FARS2: variants seen among roughly 807,000 people sequenced by gnomAD.
FARS2 encodes phenylalanyl-tRNA synthetase 2, mitochondrial.
In FARS2, 40 loss-of-function variants were observed where a neutral mutation model predicts 46.4. That is an observed-to-expected ratio of 0.86 (90% CI 0.67 to 1.12). FARS2 has a LOEUF of 1.12. Among genes scored for constraint, FARS2 ranks in the 50% most tolerant of loss-of-function variants. The pLI is 0.00. For missense variants in FARS2, 513 were observed against 567.9 expected (o/e 0.90, Z 0.98); for synonymous variants, 234 against 214.9 (o/e 1.09, Z -0.78).
chr6:5,329,214 A>G (rs1770617572), intron 1 of FARS2, among the ~76,000 whole-genome samples: 1 of 152,118 alleles, frequency 6.6e-6, no homozygotes, highest in Admixed American at 6.5e-5. Context: ...GAGGTAAGCC[A>G]TGTAATAAAA....
intron 4 of FARS2, among the ~76,000 whole-genome samples, chr6:5,488,556 G>C (rs745828692): frequency 6.6e-6 from 1 of 152,086 alleles, no homozygotes; most frequent in Non-Finnish European, 1.5e-5. Flanking sequence ...TAATTTTACA[G>C]TACAGTGCTG....
intron 6 of FARS2, among the ~76,000 whole-genome samples, chr6:5,637,844 A>G (rs1318733083): frequency 6.6e-6 from 1 of 152,120 alleles, no homozygotes; most frequent in Non-Finnish European, 1.5e-5. Flanking sequence ...TCTTATCAGG[A>G]CACAAATCAG....
intron 3 of FARS2, among the ~76,000 whole-genome samples, chr6:5,426,479 A>G (rs1173516903): frequency 6.6e-6 from 1 of 152,194 alleles, no homozygotes; most frequent in Non-Finnish European, 1.5e-5. Flanking sequence ...TTTCAACTAG[A>G]TATAATAATA....
intron 1 of FARS2, among the ~76,000 whole-genome samples, chr6:5,286,100 A>G (rs547876012): frequency 4.6e-5 from 7 of 152,278 alleles, no homozygotes; most frequent in Admixed American, 1.3e-4. Flanking sequence ...CTTGATTTCC[A>G]GACACTTTAA....
At position 5,620,203 on chromosome 6, in the gene FARS2, C is replaced by T. The variant is rs62385467; in HGVS notation, c.1217+6883C>T. 5.2e-4 allele frequency among the ~76,000 whole-genome samples: 79 copies of T among 152,130 alleles called. No individual in the cohort carries two copies. In the East Asian group the frequency reaches 0.013, roughly 25 times the overall value. On this transcript the variant is annotated intron_variant, in intron 6 of 6. Transcript: ENST00000274680. The stretch of plus-strand genomic sequence containing the variant: ...AGTAACAACCTTCCTACCGTGCACG[C>T]GCACAGACACACACATACACGCACA...
chr6:5,429,253 A>G (rs537310049), intron 3 of FARS2, among the ~76,000 whole-genome samples: 5 of 152,150 alleles, frequency 3.3e-5, no homozygotes, highest in African/African-American at 7.2e-5. Context: ...ATGTTTGTCT[A>G]TTTAACACAG....
chr6:5,258,335 C>T (rs1446019406), upstream of FARS2, among the ~76,000 whole-genome samples: 2 of 152,248 alleles, frequency 1.3e-5, no homozygotes, highest in Non-Finnish European at 2.9e-5. Flanking sequence ...ATTGCTTATT[C>T]AGCACTACCT....
chr6:5,317,478 A>G (rs919923218), intron 1 of FARS2, among the ~76,000 whole-genome samples: 1 of 152,154 alleles, frequency 6.6e-6, no homozygotes, highest in Non-Finnish European at 1.5e-5. Context: ...TTTCCTGTAA[A>G]CATAAATTAA....
At position 5,439,714 on chromosome 6, in the gene FARS2, C is replaced by T. The variant is rs540117183; in HGVS notation, c.904+8542C>T. On this transcript the variant is annotated intron_variant, in intron 4 of 6. Transcript: ENST00000274680. ...TACTGGAAACGTGGTGGTATTGGCT[C>T]CACTTGTCTATTTACTCTGTCAACT... Among the ~76,000 whole-genome samples, 44 of 152,280 alleles carry T rather than the reference C, an allele frequency of 2.9e-4. 1 individual carries two copies. Among genetic ancestry groups the T allele is most frequent in the Admixed American group, 1.7e-3 (26 of 15,286 alleles).
chr6:5,322,706 C>T (rs1382567121), intron 1 of FARS2, among the ~76,000 whole-genome samples: 3 of 152,168 alleles, frequency 2.0e-5, no homozygotes, highest in Admixed American at 6.5e-5. Context: ...CTTGCAGAGA[C>T]GTGACCTTTG....
intron 1 of FARS2, among the ~76,000 whole-genome samples, chr6:5,267,462 C>A (rs1268702274): frequency 6.6e-6 from 1 of 151,956 alleles, no homozygotes; most frequent in African/African-American, 2.4e-5. Flanking sequence ...ATGAAAAGAA[C>A]AGTCCAGGCC....
chr6:5,639,296 G>A (rs979248753), intron 6 of FARS2, among the ~76,000 whole-genome samples: 1 of 152,192 alleles, frequency 6.6e-6, no homozygotes, highest in Admixed American at 6.5e-5. Context: ...CCCAGTGCCA[G>A]GGCCCAGTCT....
chr6:5,597,973 C>T (rs556166242), intron 5 of FARS2, among the ~76,000 whole-genome samples: 6 of 152,084 alleles, frequency 3.9e-5, no homozygotes, highest in Admixed American at 1.3e-4. Context: ...CCCATGAAGC[C>T]GCCACCGGAC....
At chr6:5,266,521 GA>G (rs913409828) in intron 1 of FARS2, among the ~76,000 whole-genome samples, 8 of 150,370 alleles carry the variant, frequency 5.3e-5, no homozygotes, top group African/African-American at 1.7e-4. Flanking sequence ...ATAAAAAAAA[GA>G]AAAAAAAATG....
Position 5,322,303 on chromosome 6 carries a change from A to G in FARS2, c.-21-46247A>G, listed in dbSNP as rs535299538. On this transcript the variant is annotated intron_variant, in intron 1 of 6. Coordinates refer to ENST00000274680, the MANE Select transcript of FARS2 (RefSeq NM_006567.5). ...ATGATTTTAATAACACTGGATAGTT[A>G]AAAAAGTTAGATTATAAAAGTACAG... Among the ~76,000 whole-genome samples, 94 of 152,356 alleles carry G rather than the reference A, an allele frequency of 6.2e-4. 1 individual carries two copies. The highest frequency in any genetic ancestry group is 2.2e-3 in the African/African-American group (92 of 41,586).
intron 2 of FARS2, among the ~76,000 whole-genome samples, chr6:5,382,315 A>G (rs1425753628): frequency 1.3e-5 from 2 of 152,174 alleles, no homozygotes. Flanking sequence ...AAGACCCTTC[A>G]GTTCAGTTAT....
rs189247967 is a variant in FARS2 at position 5,551,882 on chromosome 6, C to T, written c.1065+6542C>T. ...CTCTCTGAATTTTTGCCTCCCTCTTCGAAGGACTCTTCTGATTACATGGAA... is the reference window on the plus strand; with the variant it reads ...CTCTCTGAATTTTTGCCTCCCTCTTTGAAGGACTCTTCTGATTACATGGAA... On this transcript the variant is annotated intron_variant, in intron 5 of 6. Coordinates refer to ENST00000274680, the MANE Select transcript of FARS2 (RefSeq NM_006567.5). Among the ~76,000 whole-genome samples, 367 of 152,278 alleles carry T rather than the reference C, an allele frequency of 2.4e-3. 6 individuals carry two copies. The highest frequency in any genetic ancestry group is 4.4e-3 in the Non-Finnish European group (296 of 68,024).
At chr6:5,373,711 A>G (rs1029556292) in intron 2 of FARS2, among the ~76,000 whole-genome samples, 2 of 152,242 alleles carry the variant, frequency 1.3e-5, no homozygotes, top group East Asian at 3.9e-4. Context: ...CAGTCTATGC[A>G]GTAGCAGTAG....
chr6:5,653,830 A>T (rs1038177754), intron 6 of FARS2, among the ~76,000 whole-genome samples: 4 of 151,984 alleles, frequency 2.6e-5, no homozygotes, highest in Non-Finnish European at 5.9e-5. Flanking sequence ...GGAAGAGAAT[A>T]GTGGAGAAGG....
Sources: allele counts gnomAD v4.1 joint callset (sites outside exome capture counted in the v4.1 genomes callset), GRCh38; gene constraint gnomAD v4.1.1; transcripts MANE v1.5; gene names NCBI Gene and HGNC (gene_info 2026-07-23, HGNC 2026-07-21).